Variants in GALNTL6 observed in about 807,000 individuals in gnomAD.
GALNTL6 encodes polypeptide N-acetylgalactosaminyltransferase like 6, also known as polypeptide N-acetylgalactosaminyltransferase-like 6.
A neutral mutation model predicts 73.7 loss-of-function variants in GALNTL6; 46 were observed. The ratio of observed to expected loss-of-function variants is 0.62; its 90% CI spans 0.49 to 0.80. The LOEUF (loss-of-function observed/expected upper bound fraction) is 0.80. Among genes scored for constraint, GALNTL6 ranks in the 30% least tolerant of loss-of-function variants. GALNTL6 has a pLI of 0.00. For missense variants in GALNTL6, 604 were observed against 755.0 expected, an observed-to-expected ratio of 0.80 and a Z score of 2.34; for synonymous variants, 259 against 263.7, an observed-to-expected ratio of 0.98 and a Z score of 0.17.
intron 2 of GALNTL6, among the ~76,000 whole-genome samples, chr4:171,823,686 C>T (rs999022441): frequency 5.3e-5 from 8 of 151,198 alleles, no homozygotes; most frequent in Admixed American, 2.6e-4. Flanking sequence ...AAAAGACTGA[C>T]GACTATAATA....
intron 5 of GALNTL6, among the ~76,000 whole-genome samples, chr4:172,686,732 A>G (rs752397939): frequency 1.3e-5 from 2 of 152,180 alleles, no homozygotes; most frequent in African/African-American, 2.4e-5. Context: ...TTGAGTTTCT[A>G]TGGCCCTCAA....
chr4:172,761,242 G>C (rs1738065906), intron 5 of GALNTL6, among the ~76,000 whole-genome samples: 1 of 152,170 alleles, frequency 6.6e-6, no homozygotes, highest in South Asian at 2.1e-4. Flanking sequence ...TTCTACCACT[G>C]TTGGTTCTGA....
chr4:172,497,987 A>AGTTCT (rs1373032356), intron 5 of GALNTL6, among the ~76,000 whole-genome samples: 2 of 61,192 alleles, frequency 3.3e-5, no homozygotes, highest in African/African-American at 1.2e-4. Context: ...GGAATGTCAC[A>AGTTCT]TTTCTTTTTT....
Position 172,398,489 on chromosome 4 carries a change from G to A in GALNTL6, c.553+49800G>A, listed in dbSNP as rs335990. 9.2e-3 allele frequency among the ~76,000 whole-genome samples: 1,400 copies of A among 152,252 alleles called. 29 individuals are homozygous for A. Among genetic ancestry groups the A allele is most frequent in the African/African-American group, 0.032 (1,321 of 41,546 alleles). Reference sequence around the variant, plus strand: ...AGAGCAGTGCTATTAGATTTAATCCGTTAGAGACCGGCACTCTCCTTTTCA... The same window carrying A: ...AGAGCAGTGCTATTAGATTTAATCCATTAGAGACCGGCACTCTCCTTTTCA... On this transcript the variant is annotated intron_variant, in intron 5 of 12. Transcript: ENST00000506823.
chr4:172,595,231 T>G (rs1737807835), intron 5 of GALNTL6, among the ~76,000 whole-genome samples: 1 of 152,200 alleles, frequency 6.6e-6, no homozygotes, highest in African/African-American at 2.4e-5. Flanking sequence ...ACTGGAGTAT[T>G]TGTGGGTTTG....
At position 172,039,143 on chromosome 4, in the gene GALNTL6, A is replaced by C. The variant is rs772775684; in HGVS notation, c.139-190513A>C. ...ACTAATTTTGCATAATATCATTGAT[A>C]TTGTGAATTTTGTATTGTTGATTCT... On this transcript the variant is annotated intron_variant, in intron 2 of 12. Coordinates refer to ENST00000506823, the MANE Select transcript of GALNTL6 (RefSeq NM_001034845.3). Among the ~76,000 whole-genome samples the C allele has an allele frequency of 2.0e-4, 31 of 152,150 alleles. 1 individual carries two copies. The highest frequency in any genetic ancestry group is 4.4e-4 in the Non-Finnish European group (30 of 68,026).
intron 5 of GALNTL6, among the ~76,000 whole-genome samples, chr4:172,437,699 T>C (rs1241357453): frequency 6.6e-6 from 1 of 152,116 alleles, no homozygotes; most frequent in African/African-American, 2.4e-5. Context: ...AAGAATTCAA[T>C]CTCTGAATAG....
At chr4:172,873,441 T>A (rs1745044054) in intron 7 of GALNTL6, among the ~76,000 whole-genome samples, 1 of 152,076 alleles carries the variant, frequency 6.6e-6, no homozygotes, top group Non-Finnish European at 1.5e-5. Context: ...GGGTGAAGTC[T>A]GTCATCCTCT....
chr4:173,013,155 G>A (rs1752628288), intron 11 of GALNTL6, among the ~76,000 whole-genome samples: 1 of 152,182 alleles, frequency 6.6e-6, no homozygotes. Flanking sequence ...CTGGGGACCT[G>A]AGGAATGGTG....
intron 2 of GALNTL6, among the ~76,000 whole-genome samples, chr4:171,884,642 GACAC>G (rs1429486321): frequency 6.6e-6 from 1 of 152,076 alleles, no homozygotes; most frequent in African/African-American, 2.4e-5. Flanking sequence ...TATACATGTA[GACAC>G]ACACAGTTGC....
intron 5 of GALNTL6, among the ~76,000 whole-genome samples, chr4:172,552,139 G>A (rs1036410359): frequency 3.9e-5 from 6 of 151,906 alleles, no homozygotes; most frequent in African/African-American, 1.2e-4. Flanking sequence ...ATAAATTTTC[G>A]TTGAATAATC....
At chr4:172,381,312 A>G (rs891797566) in intron 5 of GALNTL6, among the ~76,000 whole-genome samples, 1 of 152,150 alleles carries the variant, frequency 6.6e-6, no homozygotes, top group African/African-American at 2.4e-5. Flanking sequence ...TAAAGTGTAC[A>G]ATTCAGTGGT....
At position 172,754,263 on chromosome 4, in the gene GALNTL6, A is replaced by T. The variant is rs149272133; in HGVS notation, c.554-55098A>T. On this transcript the variant is annotated intron_variant, in intron 5 of 12. Coordinates refer to ENST00000506823, the MANE Select transcript of GALNTL6 (RefSeq NM_001034845.3). ...ACATACATACATACAGAAAAGGAAG[A>T]GAGACAGAATATAACATAGATTTTG... Among the ~76,000 whole-genome samples, 674 of 152,322 alleles carry T rather than the reference A, an allele frequency of 4.4e-3. 3 individuals are homozygous for T. The highest frequency in any genetic ancestry group is 0.016 in the African/African-American group (647 of 41,576).
rs561370203 is a variant in GALNTL6 at position 171,959,981 on chromosome 4, A to G, written c.138+145263A>G. 1.3e-3 allele frequency among the ~76,000 whole-genome samples: 193 copies of G among 152,334 alleles called. 2 individuals carry two copies. Among genetic ancestry groups the G allele is most frequent in the African/African-American group, 4.5e-3 (185 of 41,570 alleles). On this transcript the variant is annotated intron_variant, in intron 2 of 12. Transcript: ENST00000506823. ...ACAAAATAAACTTATTTATTTTCCA[A>G]TGGAGAACATATCTGAACAATTTAG...
chr4:172,156,718 C>T (rs1172320682), intron 2 of GALNTL6, among the ~76,000 whole-genome samples: 1 of 151,292 alleles, frequency 6.6e-6, no homozygotes, highest in Admixed American at 6.6e-5. Flanking sequence ...AGCCATGACC[C>T]TTAAATGTCA....
intron 5 of GALNTL6, among the ~76,000 whole-genome samples, chr4:172,631,685 G>T (rs1228936154): frequency 6.6e-6 from 1 of 152,164 alleles, no homozygotes; most frequent in African/African-American, 2.4e-5. Context: ...ATGTTTTTGT[G>T]AAGCAAAACC....
At chr4:172,136,672 T>C (rs1245970577) in intron 2 of GALNTL6, among the ~76,000 whole-genome samples, 1 of 151,696 alleles carries the variant, frequency 6.6e-6, no homozygotes. Context: ...TATTAAATTA[T>C]TTTATAATTG....
At chr4:172,529,518 T>A (rs920563737) in intron 5 of GALNTL6, among the ~76,000 whole-genome samples, 2 of 152,090 alleles carry the variant, frequency 1.3e-5, no homozygotes, top group African/African-American at 4.8e-5. Flanking sequence ...TTGATAGCAT[T>A]TTTTTCCTGC....
At chr4:172,614,090 TTCTC>T (rs1419915124) in intron 5 of GALNTL6, among the ~76,000 whole-genome samples, 1 of 152,150 alleles carries the variant, frequency 6.6e-6, no homozygotes, top group South Asian at 2.1e-4. Context: ...ACAGCTGTCT[TTCTC>T]TGTCTTTCTC....
Sources: allele counts gnomAD v4.1 joint callset (sites outside exome capture counted in the v4.1 genomes callset), GRCh38; gene constraint gnomAD v4.1.1; transcripts MANE v1.5; gene names NCBI Gene and HGNC (gene_info 2026-07-23, HGNC 2026-07-21).